The following RALGAPA2 variants were observed in gnomAD, a reference collection of about 807,000 sequenced individuals.
The protein encoded by RALGAPA2 is ral GTPase-activating protein subunit alpha-2.
Under a neutral mutation model 230.4 loss-of-function variants are expected in RALGAPA2, and 139 were observed. The ratio of observed to expected loss-of-function variants is 0.60; its 90% confidence interval spans 0.53 to 0.69. The LOEUF (loss-of-function observed/expected upper bound fraction) is 0.69, where lower values mean the gene tolerates loss of function less well. Ranked by LOEUF, RALGAPA2 falls within the 30% of genes least tolerant of loss-of-function variation. RALGAPA2 has a pLI of 0.00. For synonymous variants in RALGAPA2, 847 were observed against 837.8 expected (o/e 1.01, Z -0.19); for missense variants, 2,163 against 2,276.0 (o/e 0.95, Z 1.01).
chr20:20,686,933 C>T (rs1206414213), intron 1 of RALGAPA2, among the ~76,000 whole-genome samples: 1 of 152,150 alleles, frequency 6.6e-6, no homozygotes, highest in Admixed American at 6.5e-5. Flanking sequence ...GGAAGGAGCT[C>T]GTGTTCAGTT....
At position 20,459,548 on chromosome 20, in the gene RALGAPA2, C is replaced by T. The variant is rs981368665; in HGVS notation, c.5495+13281G>A. 7.3e-5 allele frequency among the ~76,000 whole-genome samples: 11 copies of T among 151,614 alleles called. No individual in the cohort carries two copies. In the South Asian group the frequency reaches 8.4e-4, roughly 12 times the overall value. On this transcript the variant is annotated intron_variant, in intron 37 of 39. Transcript: ENST00000202677. Reference sequence around the variant, plus strand: ...CACTAAAGTGAGGACTGCGACAGTCCGGCCTCTGTGCCCTCCTCTGGAATG... The same window carrying T: ...CACTAAAGTGAGGACTGCGACAGTCTGGCCTCTGTGCCCTCCTCTGGAATG...
intron 33 of RALGAPA2, among the ~76,000 whole-genome samples, chr20:20,507,519 A>T (rs1569451970): frequency 6.6e-6 from 1 of 151,760 alleles, no homozygotes; most frequent in Non-Finnish European, 1.5e-5. Context: ...CACCTGGCTA[A>T]TTTTTTTTAT....
At chr20:20,500,155 C>T (rs928410472) in intron 35 of RALGAPA2, among the ~76,000 whole-genome samples, 1 of 152,094 alleles carries the variant, frequency 6.6e-6, no homozygotes, top group Non-Finnish European at 1.5e-5. Context: ...TTGTTGGTTG[C>T]TGATTGATCA....
intron 39 of RALGAPA2, 111 bp downstream of exon 39, chr20:20,396,584 G>C (rs2059723149): frequency 7.0e-6 from 7 of 1,003,792 alleles, no homozygotes; most frequent in Non-Finnish European, 8.7e-6. Context: ...AGGCCCAGGA[G>C]GGCGAGGAGC....
At chr20:20,499,260 C>G (rs1388989787) in intron 35 of RALGAPA2, among the ~76,000 whole-genome samples, 1 of 152,114 alleles carries the variant, frequency 6.6e-6, no homozygotes, top group Non-Finnish European at 1.5e-5. Context: ...AATCATTCAA[C>G]CAGGCCAAGT....
At chr20:20,424,626 T>G (rs2060342829) in intron 37 of RALGAPA2, among the ~76,000 whole-genome samples, 1 of 152,190 alleles carries the variant, frequency 6.6e-6, no homozygotes, top group Non-Finnish European at 1.5e-5. Flanking sequence ...ACTGCTGACA[T>G]TTTTGGGGCA....
chr20:20,434,196 GGTTA>G (rs2060559453), intron 37 of RALGAPA2, among the ~76,000 whole-genome samples: 1 of 152,124 alleles, frequency 6.6e-6, no homozygotes, highest in Non-Finnish European at 1.5e-5. Context: ...TAATACACAT[GGTTA>G]GTCTCTCCCA....
intron 37 of RALGAPA2, among the ~76,000 whole-genome samples, chr20:20,440,909 A>G (rs2060724838): frequency 1.3e-5 from 2 of 152,246 alleles, no homozygotes; most frequent in Non-Finnish European, 2.9e-5. Context: ...GTTGCTGAAA[A>G]TCCATTAAAT....
At chr20:20,619,519 G>C (rs1202798627) in intron 11 of RALGAPA2, 105 bp from the exon 12 acceptor site, 1 of 929,020 alleles carries the variant, frequency 1.1e-6, no homozygotes, top group Non-Finnish European at 1.4e-6. Context: ...GTTATATTTA[G>C]TTGGCATATT....
intron 27 of RALGAPA2, among the ~76,000 whole-genome samples, chr20:20,526,936 T>C (rs953978318): frequency 1.3e-5 from 2 of 152,216 alleles, no homozygotes; most frequent in African/African-American, 4.8e-5. Context: ...TCAATTATTT[T>C]GAGTATGTTT....
At chr20:20,558,825 A>C (rs1263271146) in intron 23 of RALGAPA2, among the ~76,000 whole-genome samples, 1 of 151,716 alleles carries the variant, frequency 6.6e-6, no homozygotes, top group African/African-American at 2.4e-5. Context: ...AAAAAAAAAA[A>C]AGCTCAGGGC....
intron 1 of RALGAPA2, among the ~76,000 whole-genome samples, chr20:20,696,643 A>C (rs1423744926): frequency 6.7e-5 from 9 of 134,134 alleles, no homozygotes; most frequent in Non-Finnish European, 7.9e-5. Flanking sequence ...CCACCCCTCC[A>C]CCCCTATTGA....
intron 18 of RALGAPA2, among the ~76,000 whole-genome samples, chr20:20,585,480 C>G (rs570136441): frequency 1.3e-5 from 2 of 152,264 alleles, no homozygotes; most frequent in African/African-American, 2.4e-5. Context: ...TCTGCATCCT[C>G]TAATAAGTTA....
chr20:20,546,630 G>A (rs1399897050), intron 24 of RALGAPA2, 74 bp downstream of exon 24: 2 of 1,490,022 alleles, frequency 1.3e-6, no homozygotes, highest in Non-Finnish European at 1.8e-6. Flanking sequence ...CCTGTTAAGA[G>A]TGGAGAAATC....
At chr20:20,396,379 G>A (rs1418697982) in intron 39 of RALGAPA2, among the ~76,000 whole-genome samples, 1 of 152,258 alleles carries the variant, frequency 6.6e-6, no homozygotes, top group Non-Finnish European at 1.5e-5. Context: ...CAAAAAAGGG[G>A]GCGGCCCCAG....
At position 20,627,530 on chromosome 20, in the gene RALGAPA2, A is replaced by G. The variant is rs556700089; in HGVS notation, c.1233+1833T>C. Among the ~76,000 whole-genome samples, 4 of 152,314 alleles carry G rather than the reference A, an allele frequency of 2.6e-5. No homozygotes were observed. The South Asian group carries it at 8.3e-4, about 32-fold the overall frequency. ...GAGTCTACACCTGGTTTACCCAGTCATTCTGCCTGATTTTGGCCATGTGAT... is the reference window on the plus strand; with the variant it reads ...GAGTCTACACCTGGTTTACCCAGTCGTTCTGCCTGATTTTGGCCATGTGAT... On this transcript the variant is annotated intron_variant, in intron 10 of 39. Coordinates refer to ENST00000202677, the MANE Select transcript of RALGAPA2 (RefSeq NM_020343.4).
intron 10 of RALGAPA2, among the ~76,000 whole-genome samples, chr20:20,625,042 C>T (rs1018093408): frequency 3.9e-5 from 6 of 152,140 alleles, no homozygotes; most frequent in Non-Finnish European, 8.8e-5. Flanking sequence ...GCCTCCCTCC[C>T]TCTTGCTTTT....
At chr20:20,547,283 T>C (rs1178157814) in intron 23 of RALGAPA2, among the ~76,000 whole-genome samples, 1 of 152,238 alleles carries the variant, frequency 6.6e-6, no homozygotes, top group Non-Finnish European at 1.5e-5. Flanking sequence ...ACTCTTCAGA[T>C]AGTTTTACGT....
chr20:20,661,455 T>C lies in RALGAPA2; in HGVS notation c.271-7868A>G, dbSNP rs141982079. Among the ~76,000 whole-genome samples the C allele has an allele frequency of 2.6e-4, 39 of 152,302 alleles. No individual in the cohort carries two copies. In the East Asian group the frequency reaches 5.2e-3, roughly 20 times the overall value. On this transcript the variant is annotated intron_variant, in intron 3 of 39. Coordinates refer to ENST00000202677, the MANE Select transcript of RALGAPA2 (RefSeq NM_020343.4). ...GATTATAGGTGTGAGTCACTGTGCCTGGCTGAAATACTGCTTTGTTCTTGA... is the reference window on the plus strand; with the variant it reads ...GATTATAGGTGTGAGTCACTGTGCCCGGCTGAAATACTGCTTTGTTCTTGA...
Sources: allele counts gnomAD v4.1 joint callset (sites outside exome capture counted in the v4.1 genomes callset), GRCh38; gene constraint gnomAD v4.1.1; transcripts MANE v1.5; gene names NCBI Gene and HGNC (gene_info 2026-07-23, HGNC 2026-07-21).